RAD51B: variants seen among roughly 807,000 people sequenced by gnomAD.
RAD51B encodes DNA repair protein RAD51 homolog 2.
A neutral mutation model predicts 42.2 loss-of-function variants in RAD51B; 38 were observed. The observed-to-expected ratio is 0.90, with a 90% confidence interval of 0.70 to 1.18. RAD51B has a LOEUF of 1.18. Among genes scored for constraint, RAD51B ranks in the 50% most tolerant of loss-of-function variants. The pLI, the probability that RAD51B is intolerant of heterozygous loss-of-function variation, is 0.00. For missense variants in RAD51B, 373 were observed against 400.7 expected (o/e 0.93, Z 0.59); for synonymous variants, 154 against 145.2 (o/e 1.06, Z -0.43).
intron 8 of RAD51B, among the ~76,000 whole-genome samples, chr14:68,324,594 G>A (rs1244375363): frequency 6.6e-6 from 1 of 152,090 alleles, no homozygotes; most frequent in Non-Finnish European, 1.5e-5. Context: ...TTTATGTTAT[G>A]TAAATAATAT....
chr14:68,280,382 C>T (rs142662154), intron 7 of RAD51B, among the ~76,000 whole-genome samples: 2 of 152,178 alleles, frequency 1.3e-5, no homozygotes, highest in South Asian at 2.1e-4. Flanking sequence ...ATATTGAGAA[C>T]CTTTTTATGT....
chr14:68,091,117 T>C (rs2077090743), intron 7 of RAD51B, among the ~76,000 whole-genome samples: 1 of 152,104 alleles, frequency 6.6e-6, no homozygotes, highest in Admixed American at 6.6e-5. Flanking sequence ...GACATTTGGG[T>C]TGGTCCCAAG....
intron 7 of RAD51B, among the ~76,000 whole-genome samples, chr14:68,287,532 T>C (rs1595663509): frequency 6.6e-6 from 1 of 152,226 alleles, no homozygotes; most frequent in Non-Finnish European, 1.5e-5. Flanking sequence ...ATTAAAAATA[T>C]CTATCTTTTC....
chr14:68,304,636 A>G (rs2081821933), intron 8 of RAD51B, among the ~76,000 whole-genome samples: 1 of 152,250 alleles, frequency 6.6e-6, no homozygotes, highest in African/African-American at 2.4e-5. Context: ...AAGCTGAAGC[A>G]CTGCATTTAG....
rs571515741 is a variant in RAD51B, at chr14:68,417,511, G to A, written c.957+5984G>A. 2.8e-4 allele frequency among the ~76,000 whole-genome samples: 42 copies of A among 152,234 alleles called. No homozygotes were observed. The Middle Eastern group carries it at 0.014, about 49-fold the overall frequency. On this transcript the variant is annotated intron_variant, in intron 9 of 10. Transcript: ENST00000471583. ...CTCTAACAGGTATTAAGTGGATTGG[G>A]GAAATAAATAAAAGGGGAACCCAGA...
exon 11 of RAD51B, chr14:68,595,778 C>T (rs1890968334): frequency 2.4e-6 from 1 of 415,910 alleles, no homozygotes; most frequent in Non-Finnish European, 3.5e-6. Flanking sequence ...GTGTTCACAC[C>T]ATATTATTAA....
chr14:68,637,817 C>A (rs1202053866), intron 10 of RAD51B, among the ~76,000 whole-genome samples: 1 of 152,234 alleles, frequency 6.6e-6, no homozygotes, highest in Non-Finnish European at 1.5e-5. Context: ...TACACACACA[C>A]ACAAACACAC....
chr14:68,051,394 G>C lies in RAD51B; in HGVS notation c.756+164190G>C, dbSNP rs951040577. Among the ~76,000 whole-genome samples, 6 of 151,978 alleles carry C rather than the reference G, an allele frequency of 3.9e-5. No individual in the cohort carries two copies. The East Asian group carries it at 1.2e-3, about 29-fold the overall frequency. ...TCTACTTTTGAAATTTAGGTTGTTT[G>C]TTTGTTTTCAACATATATATTTTTG... On this transcript the variant is annotated intron_variant, in intron 7 of 10. Transcript: ENST00000471583.
downstream of RAD51B, among the ~76,000 whole-genome samples, chr14:68,600,539 C>G (rs76085756): frequency 0.013 from 1,929 of 152,198 alleles, 36 homozygotes; most frequent in African/African-American, 0.04. Context: ...GGACTGCATG[C>G]CTTTAGGTTA....
chr14:68,498,111 A>G (rs1884668428), intron 10 of RAD51B, among the ~76,000 whole-genome samples: 1 of 152,240 alleles, frequency 6.6e-6, no homozygotes, highest in Admixed American at 6.5e-5. Context: ...TGGCTGAATC[A>G]TTTTGTATTT....
At chr14:68,625,747 A>T (rs1295384227) in intron 10 of RAD51B, among the ~76,000 whole-genome samples, 2 of 152,212 alleles carry the variant, frequency 1.3e-5, no homozygotes, top group Non-Finnish European at 2.9e-5. Context: ...TGTCCTTCCT[A>T]CAATGGGTTC....
intron 8 of RAD51B, among the ~76,000 whole-genome samples, chr14:68,325,425 C>T (rs971067333): frequency 5.9e-5 from 9 of 152,134 alleles, no homozygotes; most frequent in Non-Finnish European, 2.9e-5. Context: ...TCAGATTCCT[C>T]ATAGAGTACT....
At chr14:68,519,241 A>C (rs1236818579) in intron 10 of RAD51B, among the ~76,000 whole-genome samples, 1 of 152,252 alleles carries the variant, frequency 6.6e-6, no homozygotes, top group Non-Finnish European at 1.5e-5. Flanking sequence ...ATTACATAGG[A>C]ATTTCCTAGA....
intron 10 of RAD51B, among the ~76,000 whole-genome samples, chr14:68,530,474 TAAAG>T (rs914988449): frequency 7.1e-5 from 7 of 97,924 alleles, no homozygotes; most frequent in Middle Eastern, 6.0e-3. Context: ...AAAAAAGAGA[TAAAG>T]AAAGAAAAAA....
At chr14:68,625,282 C>G (rs769482141) in intron 10 of RAD51B, among the ~76,000 whole-genome samples, 2 of 152,166 alleles carry the variant, frequency 1.3e-5, no homozygotes, top group Non-Finnish European at 2.9e-5. Flanking sequence ...CTCCTCCAGG[C>G]ATTTTACCTG....
intron 7 of RAD51B, among the ~76,000 whole-genome samples, chr14:68,184,707 C>A (rs1394610448): frequency 6.6e-6 from 1 of 150,678 alleles, no homozygotes; most frequent in African/African-American, 2.4e-5. Flanking sequence ...TGCTTGACAA[C>A]AATTTTTATG....
chr14:68,371,220 A>G (rs1267647256), intron 8 of RAD51B, among the ~76,000 whole-genome samples: 1 of 151,562 alleles, frequency 6.6e-6, no homozygotes, highest in African/African-American at 2.4e-5. Flanking sequence ...TAGGGGATTA[A>G]GAGTTCTGTC....
At chr14:68,666,238 C>A (rs919609271) in intron 11 of RAD51B, among the ~76,000 whole-genome samples, 29 of 152,096 alleles carry the variant, frequency 1.9e-4, no homozygotes, top group African/African-American at 6.8e-4. Context: ...TTATTTTATC[C>A]CTGAATCAAT....
Position 67,825,509 on chromosome 14 carries a change from C to T in RAD51B, c.130C>T (p.Leu44=). The T allele has an allele frequency of 6.2e-7, 1 of 1,613,694 alleles. No individual in the cohort carries two copies. The highest frequency in any genetic ancestry group is 8.5e-7 in the Non-Finnish European group (1 of 1,179,812). ...SPLELMKVTG[L]SYRGVHELLC... ...ACTGGAGCTTATGAAGGTGACTGGT[C>T]TGAGTTATCGAGGTGTCCATGAACT... Residue 44 remains leucine, a synonymous_variant, in exon 3 of 11, where the codon CTG becomes TTG. Coordinates refer to ENST00000471583, the MANE Select transcript of RAD51B (RefSeq NM_133510.4).
Sources: gnomAD v4.1 joint callset for allele counts (sites outside exome capture counted in the v4.1 genomes callset) on GRCh38, gnomAD v4.1.1 for gene constraint, MANE v1.5 for transcripts, NCBI Gene and HGNC (gene_info 2026-07-23, HGNC 2026-07-21) for gene names.